The following KCNMB4 variants were observed in gnomAD, a reference collection of about 807,000 sequenced individuals.
KCNMB4 encodes calcium-activated potassium channel subunit beta-4.
Under a neutral mutation model 20.7 loss-of-function variants are expected in KCNMB4, and 3 were observed. The observed-to-expected ratio is 0.14, with a 90% CI of 0.07 to 0.37. The LOEUF is 0.37. KCNMB4 is among the 10% of genes least tolerant of loss of function. The probability of loss-of-function intolerance (pLI) is 1.00; values close to 1 mark genes in which losing one functional copy is unlikely to be tolerated. For missense variants in KCNMB4, 168 were observed against 265.9 expected (o/e 0.63, Z 2.56); for synonymous variants, 110 against 113.4 (o/e 0.97, Z 0.19).
At chr12:70,376,802 A>G (rs1036162131) in intron 1 of KCNMB4, among the ~76,000 whole-genome samples, 1 of 151,622 alleles carries the variant, frequency 6.6e-6, no homozygotes, top group Non-Finnish European at 1.5e-5. Context: ...ATCCTGGGAG[A>G]TTAAGGCTGC....
intron 2 of KCNMB4, among the ~76,000 whole-genome samples, chr12:70,413,567 T>G (rs1027994202): frequency 6.6e-6 from 1 of 152,174 alleles, no homozygotes; most frequent in Non-Finnish European, 1.5e-5. Flanking sequence ...AGTTTCATCT[T>G]AGATAAAATG....
Position 70,430,753 on chromosome 12 carries a change from G to A in KCNMB4, c.*100G>A, listed in dbSNP as rs1869344336. 2 of 1,185,030 alleles carry A rather than the reference G, an allele frequency of 1.7e-6. No homozygotes were observed. Among genetic ancestry groups the A allele is most frequent in the African/African-American group, 1.6e-5 (1 of 63,478 alleles). 73.4% of individuals were successfully genotyped at this position (1,185,030 alleles called of 1,614,324 possible). A position where few individuals can be genotyped will look rare whatever the true frequency, so the allele number is the denominator to read the frequency against. Reference sequence around the variant, plus strand: ...TTTCCTGGCGCAGGAGATGGACAGGGCCACGACAGGGCTCTGAGAGGCTCA... The same window carrying A: ...TTTCCTGGCGCAGGAGATGGACAGGACCACGACAGGGCTCTGAGAGGCTCA... On this transcript the variant is annotated 3_prime_UTR_variant, in exon 3 of 3. Transcript: ENST00000258111.
Position 70,366,878 on chromosome 12 carries a change from A to G in KCNMB4, c.144A>G (p.Gln48=), listed in dbSNP as rs768436591. Residue 48 remains glutamine, a synonymous_variant, in exon 1 of 3, where the codon CAA becomes CAG. Transcript: ENST00000258111. ...TGAGTCCCGCGCTGCAGGATCTGCA[A>G]GCCACGGAGGCCAATTGCACGGTGC... ...CWLSPALQDL[Q]ATEANCTVLS... The G allele has an allele frequency of 1.2e-6, 2 of 1,613,594 alleles. No homozygotes were observed. Among genetic ancestry groups the G allele is most frequent in the Non-Finnish European group, 1.7e-6 (2 of 1,179,942 alleles).
At chr12:70,375,423 C>G (rs558068184) in intron 1 of KCNMB4, among the ~76,000 whole-genome samples, 5 of 151,426 alleles carry the variant, frequency 3.3e-5, no homozygotes, top group African/African-American at 1.2e-4. Flanking sequence ...TTGCTTGAGG[C>G]CAGGAGTTCA....
At chr12:70,370,315 G>GT (rs754863346) in intron 1 of KCNMB4, among the ~76,000 whole-genome samples, 12,379 of 126,004 alleles carry the variant, frequency 0.098, 690 homozygotes, top group East Asian at 0.24. Flanking sequence ...TTGTTTTTTT[G>GT]TTTTTTTTTT....
In KCNMB4 at chr12:70,430,906, C is replaced by T. The variant is rs1462737131; in HGVS notation, c.*253C>T. On this transcript the variant is annotated 3_prime_UTR_variant, in exon 3 of 3. Coordinates refer to ENST00000258111, the MANE Select transcript of KCNMB4 (RefSeq NM_014505.6). ...TATGGAGTAACTATTTCAGAAAACC[C>T]TATAAGAAGTTCATTTTCTTTCAAA... 2.7e-6 allele frequency: 1 copy of T among 366,150 alleles called. No individual in the cohort carries two copies. The highest frequency in any genetic ancestry group is 2.1e-5 in the African/African-American group (1 of 47,058). 22.7% of individuals were successfully genotyped at this position (366,150 alleles called of 1,614,324 possible).
intron 2 of KCNMB4, among the ~76,000 whole-genome samples, chr12:70,414,583 G>A (rs1233245652): frequency 1.3e-5 from 2 of 152,190 alleles, no homozygotes; most frequent in African/African-American, 2.4e-5. Context: ...CCAGTGCAGA[G>A]GAAGGCAGAA....
chr12:70,414,820 T>G (rs1023090761), intron 2 of KCNMB4, among the ~76,000 whole-genome samples: 2 of 152,216 alleles, frequency 1.3e-5, no homozygotes, highest in African/African-American at 4.8e-5. Flanking sequence ...AATTTAAAAT[T>G]TATTCCTATA....
chr12:70,386,587 T>C (rs1868259251), intron 1 of KCNMB4, among the ~76,000 whole-genome samples: 1 of 138,710 alleles, frequency 7.2e-6, no homozygotes, highest in African/African-American at 3.0e-5. Context: ...TTTTTGTTTG[T>C]TTGTTTGTTG....
intron 1 of KCNMB4, among the ~76,000 whole-genome samples, chr12:70,385,429 G>A (rs1018915491): frequency 7.2e-5 from 11 of 151,970 alleles, no homozygotes; most frequent in African/African-American, 2.7e-4. Context: ...TATTTTCTTC[G>A]GTTAATGTCA....
intron 1 of KCNMB4, among the ~76,000 whole-genome samples, chr12:70,383,354 A>G (rs1469547410): frequency 6.6e-6 from 1 of 152,226 alleles, no homozygotes; most frequent in Non-Finnish European, 1.5e-5. Flanking sequence ...CTGCCTATCA[A>G]GTTGGTACAT....
Position 70,395,750 on chromosome 12 carries a change from G to C in KCNMB4, c.337-4459G>C, listed in dbSNP as rs140207920. 2.0e-3 allele frequency among the ~76,000 whole-genome samples: 302 copies of C among 152,188 alleles called. 5 individuals are homozygous for C. Among genetic ancestry groups the C allele is most frequent in the Admixed American group, 0.019 (285 of 15,278 alleles). On this transcript the variant is annotated intron_variant, in intron 1 of 2. Transcript: ENST00000258111. ...TCTTTTTCGAAAATATTTTTTCAAAGAAGTTATTTCATCCAAGTTCAGGCA... is the reference window on the plus strand; with the variant it reads ...TCTTTTTCGAAAATATTTTTTCAAACAAGTTATTTCATCCAAGTTCAGGCA...
At chr12:70,372,472 T>A (rs1883615384) in intron 1 of KCNMB4, among the ~76,000 whole-genome samples, 3 of 152,086 alleles carry the variant, frequency 2.0e-5, no homozygotes, top group African/African-American at 7.2e-5. Flanking sequence ...AGGCAAAAGA[T>A]GGTGGTGGCT....
chr12:70,424,143 G>T (rs887439604), intron 2 of KCNMB4, among the ~76,000 whole-genome samples: 1 of 152,144 alleles, frequency 6.6e-6, no homozygotes, highest in African/African-American at 2.4e-5. Flanking sequence ...TTTTCTTTAT[G>T]AGTATTAGTG....
intron 1 of KCNMB4, among the ~76,000 whole-genome samples, chr12:70,395,524 A>G (rs965671213): frequency 1.3e-5 from 2 of 152,216 alleles, no homozygotes; most frequent in Non-Finnish European, 2.9e-5. Flanking sequence ...GGCAGAAAAA[A>G]AAATGCTGTT....
intron 2 of KCNMB4, among the ~76,000 whole-genome samples, chr12:70,406,098 G>A (rs1461690268): frequency 1.3e-5 from 2 of 152,006 alleles, no homozygotes; most frequent in African/African-American, 4.8e-5. Flanking sequence ...TTAAAAAAGT[G>A]GAATGGTGGT....
At chr12:70,371,810 A>C (rs1883601543) in intron 1 of KCNMB4, among the ~76,000 whole-genome samples, 1 of 152,144 alleles carries the variant, frequency 6.6e-6, no homozygotes, top group Non-Finnish European at 1.5e-5. Context: ...ACTAGAATAT[A>C]GGTCAAAACA....
chr12:70,372,093 G>A (rs1357391299), intron 1 of KCNMB4, among the ~76,000 whole-genome samples: 1 of 152,202 alleles, frequency 6.6e-6, no homozygotes, highest in African/African-American at 2.4e-5. Context: ...TGGCTATCTG[G>A]AGACAAGAGT....
intron 1 of KCNMB4, among the ~76,000 whole-genome samples, chr12:70,369,627 C>T (rs2136113017): frequency 1.3e-5 from 2 of 152,304 alleles, no homozygotes; most frequent in South Asian, 4.1e-4. Context: ...GTTTTTTCCT[C>T]TCCCTTGAGT....
Sources: gnomAD v4.1 joint callset for allele counts (sites outside exome capture counted in the v4.1 genomes callset) on GRCh38, gnomAD v4.1.1 for gene constraint, MANE v1.5 for transcripts, NCBI Gene and HGNC (gene_info 2026-07-23, HGNC 2026-07-21) for gene names.